Variants in FTO observed in about 807,000 individuals in gnomAD.
The protein encoded by FTO is FTO alpha-ketoglutarate dependent dioxygenase, also known as alpha-ketoglutarate-dependent dioxygenase FTO.
In FTO, 47 loss-of-function variants were observed where a neutral mutation model predicts 63.9. That is an observed-to-expected ratio of 0.74 (90% CI 0.58 to 0.94). FTO has a LOEUF of 0.94. FTO is among the 40% of genes least tolerant of loss of function. The probability of loss-of-function intolerance (pLI) is 0.00; values close to 1 mark genes in which losing one functional copy is unlikely to be tolerated. For synonymous variants in FTO, 207 were observed against 224.4 expected, an observed-to-expected ratio of 0.92 and a Z score of 0.69; for missense variants, 562 against 618.1, an observed-to-expected ratio of 0.91 and a Z score of 0.96.
At chr16:53,971,235 A>G (rs1351749724) in intron 8 of FTO, among the ~76,000 whole-genome samples, 1 of 152,210 alleles carries the variant, frequency 6.6e-6, no homozygotes, top group African/African-American at 2.4e-5. Flanking sequence ...TGCTGCAATT[A>G]CATATTTGCT....
At chr16:53,821,890 G>C (rs2078873682) in intron 2 of FTO, among the ~76,000 whole-genome samples, 1 of 152,156 alleles carries the variant, frequency 6.6e-6, no homozygotes, top group Admixed American at 6.5e-5. Context: ...TCATTTGTGG[G>C]TTGGCACAGA....
intron 6 of FTO, 77 bp downstream of exon 6, chr16:53,880,064 G>A (rs547700882): frequency 3.4e-5 from 36 of 1,063,870 alleles, no homozygotes; most frequent in African/African-American, 2.6e-4. Flanking sequence ...GCATGACCTC[G>A]GCTCACTACA....
At chr16:53,829,596 G>A (rs1393370414) in intron 3 of FTO, among the ~76,000 whole-genome samples, 1 of 152,242 alleles carries the variant, frequency 6.6e-6, no homozygotes, top group Non-Finnish European at 1.5e-5. Flanking sequence ...TAAAATTTTG[G>A]TTGAGGTTGA....
At chr16:53,744,844 A>G (rs1255894809) in intron 1 of FTO, among the ~76,000 whole-genome samples, 1 of 147,940 alleles carries the variant, frequency 6.8e-6, no homozygotes, top group Admixed American at 6.8e-5. Flanking sequence ...CCATATATGA[A>G]TCTCATTGTA....
chr16:53,863,611 G>C (rs1047244470), intron 4 of FTO, among the ~76,000 whole-genome samples: 4 of 152,186 alleles, frequency 2.6e-5, no homozygotes, highest in Admixed American at 6.5e-5. Context: ...GCTTATAACA[G>C]CAGCACATCC....
chr16:53,756,761 T>G (rs995091849), intron 1 of FTO, among the ~76,000 whole-genome samples: 3 of 152,214 alleles, frequency 2.0e-5, no homozygotes, highest in Non-Finnish European at 4.4e-5. Flanking sequence ...CCTTTTAATT[T>G]GAAGAATAGC....
chr16:53,938,933 C>T (rs1486120094), intron 8 of FTO, among the ~76,000 whole-genome samples: 1 of 125,296 alleles, frequency 8.0e-6, no homozygotes, highest in Non-Finnish European at 1.7e-5. Flanking sequence ...ACTAAAAATA[C>T]AAAAAAAAAA....
intron 8 of FTO, among the ~76,000 whole-genome samples, chr16:53,955,751 AACATTGACCAT>A (rs1303351711): frequency 8.5e-5 from 13 of 152,316 alleles, no homozygotes; most frequent in Non-Finnish European, 1.5e-4. Context: ...CAAGTTAAAT[AACATTGACCAT>A]AAGTACATCA....
At chr16:53,941,905 T>C (rs1172191998) in intron 8 of FTO, among the ~76,000 whole-genome samples, 1 of 152,184 alleles carries the variant, frequency 6.6e-6, no homozygotes, top group African/African-American at 2.4e-5. Flanking sequence ...TCTCTTCCAT[T>C]TGAATAATGC....
At chr16:53,908,536 T>C (rs899034245) in intron 7 of FTO, among the ~76,000 whole-genome samples, 16 of 152,226 alleles carry the variant, frequency 1.1e-4, no homozygotes, top group Admixed American at 2.0e-4. Flanking sequence ...TACCAGCCTT[T>C]TCCTGTCAGG....
At chr16:53,825,801 C>A (rs1674312268) in intron 2 of FTO, 63 bp from the exon 3 acceptor site, 2 of 1,584,822 alleles carry the variant, frequency 1.3e-6, no homozygotes, top group Non-Finnish European at 1.7e-6. Flanking sequence ...AGAAACACAC[C>A]TTTGGAAATA....
At chr16:54,005,987 A>G (rs1005119267) in intron 8 of FTO, among the ~76,000 whole-genome samples, 1 of 152,224 alleles carries the variant, frequency 6.6e-6, no homozygotes, top group African/African-American at 2.4e-5. Context: ...TTATTTGATG[A>G]CACAGATTAT....
intron 1 of FTO, among the ~76,000 whole-genome samples, chr16:53,718,202 T>A (rs759488921): frequency 1.1e-4 from 16 of 152,158 alleles, no homozygotes; most frequent in Non-Finnish European, 2.2e-4. Flanking sequence ...GAAAGCTTTG[T>A]AATTTTGTTC....
At position 53,807,660 on chromosome 16, in the gene FTO, A is replaced by G. The variant is rs556122480; in HGVS notation, c.46-2480A>G. ...GTGTTTGCAAGGTGGAGACATTTCA[A>G]GGTTTGAGAAATGTGTGTTTGAATT... is the stretch of plus-strand genomic sequence containing the variant. On this transcript the variant is annotated intron_variant, in intron 1 of 8. Transcript: ENST00000471389. Among the ~76,000 whole-genome samples the G allele has an allele frequency of 3.3e-4, 50 of 152,286 alleles. 1 individual carries two copies. In the South Asian group the frequency reaches 9.9e-3, roughly 30 times the overall value.
At chr16:53,808,190 A>G (rs113321047) in intron 1 of FTO, among the ~76,000 whole-genome samples, 44 of 152,102 alleles carry the variant, frequency 2.9e-4, no homozygotes, top group Non-Finnish European at 5.1e-4. Context: ...AAAACTAGCC[A>G]GGCATGGTGG....
chr16:53,793,775 G>T (rs1274408512), intron 1 of FTO, among the ~76,000 whole-genome samples: 4 of 152,108 alleles, frequency 2.6e-5, no homozygotes, highest in Non-Finnish European at 5.9e-5. Flanking sequence ...ATAGAAAGGT[G>T]CTCATAATAA....
chr16:53,927,224 A>C (rs181826597), intron 7 of FTO, among the ~76,000 whole-genome samples: 3 of 152,266 alleles, frequency 2.0e-5, no homozygotes, highest in Admixed American at 2.0e-4. Context: ...GGTAAGTTTC[A>C]GTCATATTGA....
intron 8 of FTO, among the ~76,000 whole-genome samples, chr16:54,080,716 A>G (rs2086120378): frequency 6.6e-6 from 1 of 152,200 alleles, no homozygotes; most frequent in South Asian, 2.1e-4. Flanking sequence ...TTGTTTCAAC[A>G]CTAGAGTTTG....
chr16:54,040,324 A>T (rs1390425287), intron 8 of FTO: 1 of 152,220 alleles, frequency 6.6e-6, no homozygotes, highest in Non-Finnish European at 1.5e-5. Context: ...AATCATTTAT[A>T]TGGCAAAATC....
Sources: gnomAD v4.1 joint callset for allele counts (sites outside exome capture counted in the v4.1 genomes callset) on GRCh38, gnomAD v4.1.1 for gene constraint, MANE v1.5 for transcripts, NCBI Gene and HGNC (gene_info 2026-07-23, HGNC 2026-07-21) for gene names.